PCSK7: variants seen among roughly 807,000 people sequenced by gnomAD.
PCSK7 encodes proprotein convertase subtilisin/kexin type 7, also known as lymphoma proprotein convertase.
In PCSK7, 38 loss-of-function variants were observed where a neutral mutation model predicts 73.3. The ratio of observed to expected loss-of-function variants is 0.52; its 90% CI spans 0.40 to 0.68. PCSK7 has a LOEUF of 0.68. PCSK7 is among the 30% of genes least tolerant of loss of function. The probability of loss-of-function intolerance (pLI) is 0.00; values close to 1 mark genes in which losing one functional copy is unlikely to be tolerated. For synonymous variants in PCSK7, 296 were observed against 383.8 expected (o/e 0.77, Z 2.68); for missense variants, 692 against 991.5 (o/e 0.70, Z 4.06).
rs778813236 is a variant in PCSK7, at chr11:117,229,408, T to C, written c.437A>G (p.Asn146Ser). Reference sequence around the variant, plus strand: ...CCATTGCTGCGGGTACTTGGGGTCGTTGAAGTGGACGCTGCGCTTGGCCCG... The same window carrying C: ...CCATTGCTGCGGGTACTTGGGGTCGCTGAAGTGGACGCTGCGCTTGGCCCG... Reference protein sequence around the residue: ...LRRAKRSVHFNDPKYPQQWHL... With the variant: ...LRRAKRSVHFSDPKYPQQWHL... The change falls in exon 3 of 17, where the codon AAC becomes AGC. Residue 146 changes from asparagine (N) to serine (S), a missense_variant. Around this residue, in one of 6 missense-constraint regions of PCSK7, gnomAD observed 574 missense variants for 689.8 expected, o/e 0.83. Transcript: ENST00000320934. 2.5e-6 allele frequency: 4 copies of C among 1,608,372 alleles called. No homozygotes were observed. The highest frequency in any genetic ancestry group is 2.5e-6 in the Non-Finnish European group (3 of 1,179,940).
At chr11:117,228,612 C>CT (rs751494008) in intron 3 of PCSK7, among the ~76,000 whole-genome samples, 2,728 of 132,096 alleles carry the variant, frequency 0.021, 99 homozygotes, top group Admixed American at 0.057. Context: ...TGATACACTT[C>CT]TTTTTTTTTT....
At position 117,224,130 on chromosome 11, in the gene PCSK7, G is replaced by A. The variant is rs115599605; in HGVS notation, c.1002C>T (p.Asn334=). Residue 334 remains asparagine, a synonymous_variant, in exon 8 of 17, where the codon AAC becomes AAT. Transcript: ENST00000320934. The stretch of plus-strand genomic sequence containing the variant: ...CGTAGCCATCGTAGTTGCAGTTGTC[G>A]TTGTGTTGGCCTCCGTTGCCACTGG... The part of the protein sequence containing the change: ...VVASGNGGQH[N]DNCNYDGYAN... 2.7e-3 allele frequency: 4,420 copies of A among 1,614,070 alleles called. 108 individuals are homozygous for A. In the African/African-American group the frequency reaches 0.053, roughly 19 times the overall value.
intron 12 of PCSK7, chr11:117,210,322 G>A (rs953700491): frequency 6.6e-6 from 1 of 151,616 alleles, no homozygotes; most frequent in African/African-American, 2.4e-5. Flanking sequence ...AGACTCAACT[G>A]GGGACTATTA....
Position 117,226,122 on chromosome 11 carries a change from A to G in PCSK7, c.770-101T>C, listed in dbSNP as rs202189949. On this transcript the variant is annotated intron_variant, in intron 5 of 16. Coordinates refer to ENST00000320934, the MANE Select transcript of PCSK7 (RefSeq NM_004716.4). ...ATGTGGGAGACTTATTTTTCCCTAC[A>G]TGCTCTTTGTACATTTTGCTTTTTT... 1.0e-4 allele frequency: 76 copies of G among 725,262 alleles called. No homozygotes were observed. In the East Asian group the frequency reaches 1.8e-3, roughly 18 times the overall value. 44.9% of individuals were successfully genotyped at this position (725,262 alleles called of 1,614,324 possible).
intron 12 of PCSK7, chr11:117,217,974 G>A (rs2032051098): frequency 2.6e-5 from 4 of 152,408 alleles, no homozygotes; most frequent in Admixed American, 2.6e-4. Context: ...GGTCACTAAA[G>A]CCTAGGAGAC....
chr11:117,231,012 A>G (rs1379927572), intron 1 of PCSK7: 1 of 151,160 alleles, frequency 6.6e-6, no homozygotes, highest in Non-Finnish European at 1.5e-5. Context: ...TGGGACTCCA[A>G]TTGCCTGGGT....
At position 117,227,247 on chromosome 11, in the gene PCSK7, G is replaced by C. The variant is rs1204003977; in HGVS notation, c.679C>G (p.His227Asp). ...TCTCCTGCACATCGCGTGCCATGGTGGTTGCCATTCTCCACATCCGGGTGG... is the reference window on the plus strand; with the variant it reads ...TCTCCTGCACATCGCGTGCCATGGTCGTTGCCATTCTCCACATCCGGGTGG... ...MPHPDVENGN[H>D]HGTRCAGEIA... The change falls in exon 5 of 17, where the codon CAC (histidine) becomes GAC (aspartate). Residue 227 changes from histidine (H) to aspartate (D), a missense_variant. Around this residue, in one of 6 missense-constraint regions of PCSK7, gnomAD observed 574 missense variants for 689.8 expected, o/e 0.83. Coordinates refer to ENST00000320934, the MANE Select transcript of PCSK7 (RefSeq NM_004716.4). 6.2e-7 allele frequency: 1 copy of C among 1,613,758 alleles called. No homozygotes were observed. Among genetic ancestry groups the C allele is most frequent in the Non-Finnish European group, 8.5e-7 (1 of 1,179,738 alleles).
At position 117,218,311 on chromosome 11, in the gene PCSK7, C is replaced by T. The variant is rs1350790890; in HGVS notation, c.1534+155G>A. 9 of 399,258 alleles carry T rather than the reference C, an allele frequency of 2.3e-5. No individual in the cohort carries two copies. The highest frequency in any genetic ancestry group is 4.1e-5 in the Non-Finnish European group (9 of 217,912). 24.7% of individuals were successfully genotyped at this position (399,258 alleles called of 1,614,324 possible). A position where few individuals can be genotyped will look rare whatever the true frequency, so the allele number is the denominator to read the frequency against. On this transcript the variant is annotated intron_variant, in intron 12 of 16. Coordinates refer to ENST00000320934, the MANE Select transcript of PCSK7 (RefSeq NM_004716.4). The surrounding 1 kb of genome is among the most constrained non-coding windows in gnomAD (Gnocchi z 4.0). ...GGGGGAGCCAACTCAGAAGCAGTAA[C>T]ATGTCCTAAAATGGTCAAAGAAAAC... is the stretch of plus-strand genomic sequence containing the variant.
chr11:117,222,861 GGTC>G (rs1307247720), intron 9 of PCSK7: 57 of 196,976 alleles, frequency 2.9e-4, no homozygotes, highest in Non-Finnish European at 4.3e-4. Context: ...TGGCCAGGCT[GGTC>G]TTGAACTCCT....
chr11:117,218,953 G>A lies in PCSK7; in HGVS notation c.1431+104C>T, dbSNP rs1290208592. 11 of 661,332 alleles carry A rather than the reference G, an allele frequency of 1.7e-5. No individual in the cohort carries two copies. The highest frequency in any genetic ancestry group is 2.8e-5 in the Non-Finnish European group (11 of 387,204). The allele number at this position is 661,332 out of a possible 1,614,324, so 41.0% of individuals were successfully genotyped here. A position where few individuals can be genotyped will look rare whatever the true frequency, so the allele number is the denominator to read the frequency against. ...AAGTTGTTAAATCAATGAACTGAAT[G>A]AACATTTACTAGGCACCTATGATAT... is the stretch of plus-strand genomic sequence containing the variant. On this transcript the variant is annotated intron_variant, in intron 11 of 16. Transcript: ENST00000320934. This position sits in a 1 kb window ranked among gnomAD's most constrained non-coding sequence, Gnocchi z 4.0.
Position 117,227,245 on chromosome 11 carries a change from G to C in PCSK7, c.681C>G (p.His227Gln), listed in dbSNP as rs1050147261. Residue 227 changes from histidine to glutamine, a missense_variant, in exon 5 of 17, where the codon CAC (histidine) becomes CAG (glutamine). By Grantham distance (24) the His-to-Gln change is conservative. Around this residue, in one of 6 missense-constraint regions of PCSK7, gnomAD observed 574 missense variants for 689.8 expected, o/e 0.83. Transcript: ENST00000320934. ...MPHPDVENGN[H>Q]HGTRCAGEIA... is the part of the protein sequence containing the mutation. ...TCTCTCCTGCACATCGCGTGCCATG[G>C]TGGTTGCCATTCTCCACATCCGGGT... 1 of 1,613,798 alleles carries C rather than the reference G, an allele frequency of 6.2e-7. No individual in the cohort carries two copies. Among genetic ancestry groups the C allele is most frequent in the African/African-American group, 1.3e-5 (1 of 74,918 alleles).
In PCSK7 at chr11:117,228,244, T is replaced by A; in HGVS notation, c.575A>T (p.His192Leu). The change falls in exon 4 of 17, where the codon CAC (histidine) becomes CTC (leucine). Residue 192 changes from histidine (H) to leucine (L), a missense_variant. By Grantham distance (99) the His-to-Leu change is moderately conservative (BLOSUM62 -3). Transcript: ENST00000320934. Reference sequence around the variant, plus strand: ...GTTGGGTGCAATGTCCTGGATGGTGTGTTCCACTCCGTCATCCACTACCAC... The same window carrying A: ...GTTGGGTGCAATGTCCTGGATGGTGAGTTCCACTCCGTCATCCACTACCAC... ...TVVVVDDGVEHTIQDIAPNYS... is the reference protein window; with the variant it reads ...TVVVVDDGVELTIQDIAPNYS... The A allele has an allele frequency of 6.2e-7, 1 of 1,613,446 alleles. No individual in the cohort carries two copies. Among genetic ancestry groups the A allele is most frequent in the East Asian group, 2.2e-5 (1 of 44,874 alleles).
At chr11:117,215,977 TCC>T (rs1224268742) in intron 12 of PCSK7, 6 of 152,068 alleles carry the variant, frequency 3.9e-5, no homozygotes, top group African/African-American at 1.4e-4. Flanking sequence ...TGTCTCAGCC[TCC>T]CAGGAGGCAT....
At chr11:117,216,365 G>C (rs1305226983) in intron 12 of PCSK7, 1 of 151,286 alleles carries the variant, frequency 6.6e-6, no homozygotes, top group Admixed American at 6.6e-5. Flanking sequence ...GGTCCTGGTG[G>C]AAAACAACCA....
rs1377976700 is a variant in PCSK7, at chr11:117,229,484, A to G, written c.361T>C (p.Leu121=). The change falls in exon 3 of 17, where the codon TTG becomes CTG. Residue 121 remains leucine (L), a synonymous_variant. Coordinates refer to ENST00000320934, the MANE Select transcript of PCSK7 (RefSeq NM_004716.4). ...EAIRQQVEAV[L]AGHEAVRWHS... ...CAGCGCACAGCTTCATGCCCAGCCA[A>G]CACAGCCTCCACCTGCTGCCGGATG... 6.2e-7 allele frequency: 1 copy of G among 1,612,138 alleles called. No individual in the cohort carries two copies. Among genetic ancestry groups the G allele is most frequent in the East Asian group, 2.2e-5 (1 of 44,892 alleles).
chr11:117,219,090 G>A lies in PCSK7; in HGVS notation c.1398C>T (p.Leu466=), dbSNP rs751791130. ...FSHSHQHGFG[L]LNAWRLVNAA... ...CATTCACGAGCCTCCAGGCGTTGAG[G>A]AGGCCGAAACCGTGCTGGTGGCTAT... The change falls in exon 11 of 17, where the codon CTC becomes CTT. Residue 466 remains leucine, a synonymous_variant. Transcript: ENST00000320934. 4.3e-6 allele frequency: 7 copies of A among 1,610,544 alleles called. No homozygotes were observed. The highest frequency in any genetic ancestry group is 1.7e-4 in the Middle Eastern group (1 of 6,034).
At chr11:117,212,037 G>C (rs1438293361) in intron 12 of PCSK7, 2 of 151,978 alleles carry the variant, frequency 1.3e-5, no homozygotes, top group Non-Finnish European at 2.9e-5. Flanking sequence ...TTAGATTCAC[G>C]ATGGCTACTT....
At chr11:117,226,043 A>ATTAGTGAGGAGCTGCTGTG in intron 5 of PCSK7, 22 bp from the exon 6 acceptor site, 1 of 1,338,364 alleles carries the variant, frequency 7.5e-7, no homozygotes. Context: ...AGGCCACAGC[A>ATTAGTGAGGAGCTGCTGTG]GCTCCTCACT....
rs762892942 is a variant in PCSK7, at chr11:117,206,370, A to G, written c.1999-14T>C. On this transcript the variant is annotated splice_polypyrimidine_tract_variant and intron_variant, in intron 16 of 16. Coordinates refer to ENST00000320934, the MANE Select transcript of PCSK7 (RefSeq NM_004716.4). ...CAGCACCAGGGTCTGGGGCCGAGGCAAGCACCTACGTGAGGCACTGTTTCC... is the reference window on the plus strand; with the variant it reads ...CAGCACCAGGGTCTGGGGCCGAGGCGAGCACCTACGTGAGGCACTGTTTCC... The G allele has an allele frequency of 3.1e-6, 5 of 1,596,448 alleles. No homozygotes were observed. The East Asian group carries it at 9.0e-5, about 29-fold the overall frequency.
Sources: allele counts gnomAD v4.1 joint callset (sites outside exome capture counted in the v4.1 genomes callset), GRCh38; gene constraint gnomAD v4.1.1; regional missense constraint gnomAD v4.1.1; non-coding constraint Gnocchi (gnomAD v3.1); transcripts MANE v1.5; gene names NCBI Gene and HGNC (gene_info 2026-07-23, HGNC 2026-07-21).